The following VAV1 variants were observed in gnomAD, a reference collection of about 807,000 sequenced individuals.
The protein encoded by VAV1 is proto-oncogene vav.
Under a neutral mutation model 128.1 loss-of-function variants are expected in VAV1, and 33 were observed. The ratio of observed to expected loss-of-function variants is 0.26; its 90% CI spans 0.20 to 0.34. The LOEUF (loss-of-function observed/expected upper bound fraction) is 0.34. VAV1 is among the 10% of genes least tolerant of loss of function. VAV1 has a pLI of 1.00. For synonymous variants in VAV1, 394 were observed against 409.8 expected (o/e 0.96, Z 0.47); for missense variants, 715 against 1,093.7 (o/e 0.65, Z 4.88).
intron 21 of VAV1, among the ~76,000 whole-genome samples, chr19:6,839,310 C>T (rs1203146843): frequency 6.6e-6 from 1 of 151,828 alleles, no homozygotes. Context: ...CATAGAACAT[C>T]CTTCTCTTTT....
At chr19:6,793,500 G>C (rs2144717427) in intron 1 of VAV1, among the ~76,000 whole-genome samples, 1 of 152,178 alleles carries the variant, frequency 6.6e-6, no homozygotes, top group South Asian at 2.1e-4. Context: ...GCGGCGGCAA[G>C]ACAGGTACCT....
chr19:6,778,380 G>A (rs1187824390), intron 1 of VAV1, among the ~76,000 whole-genome samples: 4 of 152,134 alleles, frequency 2.6e-5, no homozygotes. Context: ...CAGCTGCTGG[G>A]GCCAAGATGA....
intron 1 of VAV1, among the ~76,000 whole-genome samples, chr19:6,776,011 TC>T (rs1970612115): frequency 6.6e-6 from 1 of 152,068 alleles, no homozygotes; most frequent in African/African-American, 2.4e-5. Context: ...CATCCACCCA[TC>T]CACTCATTCA....
At position 6,772,822 on chromosome 19, in the gene VAV1, C is replaced by T; in HGVS notation, c.15C>T (p.Arg5=). The change falls in exon 1 of 27, where the codon CGC becomes CGT. Residue 5 remains arginine, a synonymous_variant. Coordinates refer to ENST00000602142, the MANE Select transcript of VAV1 (RefSeq NM_005428.4). The surrounding 1 kb of genome is among the most constrained non-coding windows in gnomAD (Gnocchi z 4.8). ...AGGCGGTAGCCATGGAGCTGTGGCG[C>T]CAATGCACCCACTGGCTCATCCAGT... is the stretch of plus-strand genomic sequence containing the variant. MELW[R]QCTHWLIQCR... is the part of the protein sequence containing the mutation. 1.2e-6 allele frequency: 2 copies of T among 1,613,676 alleles called. No individual in the cohort carries two copies. The highest frequency in any genetic ancestry group is 2.2e-5 in the South Asian group (2 of 91,050).
intron 1 of VAV1, among the ~76,000 whole-genome samples, chr19:6,786,354 C>T (rs1190031990): frequency 2.6e-5 from 4 of 152,092 alleles, no homozygotes; most frequent in South Asian, 2.1e-4. Flanking sequence ...CCCAGCTACC[C>T]GGGAGGCTGA....
chr19:6,843,493 T>C (rs916195797), intron 22 of VAV1, among the ~76,000 whole-genome samples: 1 of 152,124 alleles, frequency 6.6e-6, no homozygotes, highest in Non-Finnish European at 1.5e-5. Context: ...TGTTTGTTTG[T>C]TTGTTTTGCA....
chr19:6,776,077 T>TATCC (rs56806852), intron 1 of VAV1, among the ~76,000 whole-genome samples: 18,937 of 129,030 alleles, frequency 0.15, 1,443 homozygotes, highest in Middle Eastern at 0.21. Flanking sequence ...TCCATCCATT[T>TATCC]ATCCATCCAT....
intron 3 of VAV1, 37 bp from the exon 4 acceptor site, chr19:6,821,754 C>T (rs1971790867): frequency 6.2e-7 from 1 of 1,613,832 alleles, no homozygotes. Flanking sequence ...TCTACCCAGC[C>T]CCCAGGCCCC....
At chr19:6,793,291 G>A (rs555402272) in intron 1 of VAV1, among the ~76,000 whole-genome samples, 56 of 151,754 alleles carry the variant, frequency 3.7e-4, no homozygotes, top group Non-Finnish European at 6.0e-4. Context: ...CCGAGATCGC[G>A]CCACTGCACT....
At chr19:6,831,864 G>A (rs1972064121) in intron 14 of VAV1, among the ~76,000 whole-genome samples, 1 of 151,976 alleles carries the variant, frequency 6.6e-6, no homozygotes. Context: ...GTGTGTGTGT[G>A]TGTGTGTGTG....
In VAV1 at chr19:6,828,837, G is replaced by A; in HGVS notation, c.1202G>A (p.Gly401Asp). ...ENLDQSLAHY[G>D]RPKIDGELKI... Reference sequence around the variant, plus strand: ...TAGGACCAGTCTCTGGCTCACTATGGCCGGCCCAAGATCGACGGGGAACTC... The same window carrying A: ...TAGGACCAGTCTCTGGCTCACTATGACCGGCCCAAGATCGACGGGGAACTC... The change falls in exon 13 of 27, where the codon GGC becomes GAC. Residue 401 changes from glycine (G) to aspartate (D), a missense_variant. Around this residue, in one of 3 missense-constraint regions of VAV1, gnomAD observed 407 missense variants for 580.6 expected, o/e 0.70. Transcript: ENST00000602142. This position sits in a 1 kb window ranked among gnomAD's most constrained non-coding sequence, Gnocchi z 4.5. The A allele has an allele frequency of 6.2e-7, 1 of 1,614,178 alleles. No individual in the cohort carries two copies. Among genetic ancestry groups the A allele is most frequent in the Non-Finnish European group, 8.5e-7 (1 of 1,180,034 alleles).
chr19:6,780,074 G>A (rs1799825530), intron 1 of VAV1, among the ~76,000 whole-genome samples: 1 of 147,116 alleles, frequency 6.8e-6, no homozygotes, highest in African/African-American at 2.5e-5. Flanking sequence ...TCAGGCCACT[G>A]CACTCCAGCC....
At chr19:6,849,373 C>T (rs558994016) in intron 23 of VAV1, among the ~76,000 whole-genome samples, 1 of 146,458 alleles carries the variant, frequency 6.8e-6, no homozygotes, top group Non-Finnish European at 1.5e-5. Flanking sequence ...ACTGCAAACT[C>T]CACCTCCCAG....
intron 1 of VAV1, among the ~76,000 whole-genome samples, chr19:6,814,663 C>CCTTCCTTCCTTCCTTCCTTTCTTT: frequency 3.8e-5 from 1 of 26,558 alleles, no homozygotes; most frequent in African/African-American, 2.6e-4. Flanking sequence ...TTCCTTCCTT[C>CCTTCCTTCCTTCCTTCCTTTCTTT]CTTCCTTCCT....
At chr19:6,808,637 G>A (rs1194990057) in intron 1 of VAV1, among the ~76,000 whole-genome samples, 1 of 152,176 alleles carries the variant, frequency 6.6e-6, no homozygotes, top group African/African-American at 2.4e-5. Flanking sequence ...TTGCCAGCCA[G>A]ATAAAGGGGC....
chr19:6,798,756 C>T (rs182416895), intron 1 of VAV1, among the ~76,000 whole-genome samples: 1 of 152,174 alleles, frequency 6.6e-6, no homozygotes, highest in Non-Finnish European at 1.5e-5. Context: ...AGCGATCCTC[C>T]TACCCTAGCC....
In VAV1 at chr19:6,778,188, C is replaced by T. The variant is rs142395562; in HGVS notation, c.204+5177C>T. On this transcript the variant is annotated intron_variant, in intron 1 of 26. Transcript: ENST00000602142. ...CTGACCTTAAGTGACCCACATGCCT[C>T]GGCCTCCCAAAGTGTTAGGATTGCA... is the stretch of plus-strand genomic sequence containing the variant. Among the ~76,000 whole-genome samples, 757 of 152,218 alleles carry T rather than the reference C, an allele frequency of 5.0e-3. 10 individuals carry two copies. Among genetic ancestry groups the T allele is most frequent in the African/African-American group, 0.018 (730 of 41,516 alleles).
intron 15 of VAV1, 103 bp from the exon 16 acceptor site, chr19:6,833,081 C>T: frequency 1.0e-6 from 1 of 955,442 alleles, no homozygotes. Flanking sequence ...AATGAGTGGA[C>T]ACGCAAAACG....
chr19:6,805,948 T>A (rs765990995), intron 1 of VAV1, among the ~76,000 whole-genome samples: 2 of 151,968 alleles, frequency 1.3e-5, no homozygotes, highest in Non-Finnish European at 2.9e-5. Flanking sequence ...TCCCTCAACT[T>A]CCTCCCGTCT....
Sources: gnomAD v4.1 joint callset for allele counts (sites outside exome capture counted in the v4.1 genomes callset) on GRCh38, gnomAD v4.1.1 for gene constraint, gnomAD v4.1.1 regional missense constraint, Gnocchi (gnomAD v3.1) non-coding constraint, MANE v1.5 for transcripts, NCBI Gene and HGNC (gene_info 2026-07-23, HGNC 2026-07-21) for gene names.